SERPINI2: variants seen among roughly 807,000 people sequenced by gnomAD.
SERPINI2 encodes the protein serpin family I member 2, also known as serpin I2.
SERPINI2 carries 48 observed loss-of-function variants against 47.3 expected under a neutral mutation model. The observed-to-expected ratio is 1.02, with a 90% CI of 0.81 to 1.29. The LOEUF is 1.29. SERPINI2 is among the 50% of genes most tolerant of loss of function. The pLI, the probability that SERPINI2 is intolerant of heterozygous loss-of-function variation, is 0.00. For missense variants in SERPINI2, 448 were observed against 456.9 expected, an observed-to-expected ratio of 0.98 and a Z score of 0.18; for synonymous variants, 135 against 149.3, an observed-to-expected ratio of 0.90 and a Z score of 0.70.
At position 167,474,061 on chromosome 3, in the gene SERPINI2, A is replaced by T. The variant is rs1242131141; in HGVS notation, c.-69T>A. On this transcript the variant is annotated 5_prime_UTR_variant, in exon 1 of 9. Transcript: ENST00000264677. ...TACAACTAAAATACGCTTGCTGGAAAACTCTTGTACATAAACACCTGAGCG... is the reference window on the plus strand; with the variant it reads ...TACAACTAAAATACGCTTGCTGGAATACTCTTGTACATAAACACCTGAGCG... 4 of 1,040,962 alleles carry T rather than the reference A, an allele frequency of 3.8e-6. No individual in the cohort carries two copies. The African/African-American group carries it at 6.7e-5, about 18-fold the overall frequency. The allele number at this position is 1,040,962 out of a possible 1,614,324, so 64.5% of individuals were successfully genotyped here.
At chr3:167,448,878 T>G (rs974151252) in intron 7 of SERPINI2, among the ~76,000 whole-genome samples, 1 of 152,104 alleles carries the variant, frequency 6.6e-6, no homozygotes, top group African/African-American at 2.4e-5. Flanking sequence ...CAGGTTAAGT[T>G]TGAGAGCCAC....
At chr3:167,467,250 C>T in exon 3 of SERPINI2, 1 of 1,612,114 alleles carries the variant, frequency 6.2e-7, no homozygotes. Flanking sequence ...TCTGAGATGG[C>T]AGAGAAAAAT....
intron 5 of SERPINI2, among the ~76,000 whole-genome samples, chr3:167,457,644 A>G (rs957464803): frequency 6.6e-6 from 1 of 152,260 alleles, no homozygotes; most frequent in African/African-American, 2.4e-5. Flanking sequence ...CTCATTGAAT[A>G]GCTACTATTT....
At chr3:167,476,894 CT>C (rs561304064), upstream of SERPINI2, among the ~76,000 whole-genome samples, 134 of 152,062 alleles carry the variant, frequency 8.8e-4, no homozygotes, top group African/African-American at 2.8e-3. Flanking sequence ...CCGCATTCTA[CT>C]TTTATAACAT....
intron 5 of SERPINI2, among the ~76,000 whole-genome samples, chr3:167,455,934 C>T (rs1292928493): frequency 6.6e-6 from 1 of 152,048 alleles, no homozygotes; most frequent in Non-Finnish European, 1.5e-5. Flanking sequence ...TCCACCAGGC[C>T]CCATCTCCAA....
At chr3:167,473,496 A>T (rs189551669) in intron 1 of SERPINI2, among the ~76,000 whole-genome samples, 25 of 151,772 alleles carry the variant, frequency 1.6e-4, no homozygotes, top group Non-Finnish European at 3.5e-4. Context: ...TCAACTGGAA[A>T]TACATTAGAT....
rs550007444 is a variant in SERPINI2 at position 167,459,783 on chromosome 3, C to A, written c.866+5423G>T. 2.6e-5 allele frequency among the ~76,000 whole-genome samples: 4 copies of A among 151,134 alleles called. No individual in the cohort carries two copies. The South Asian group carries it at 6.3e-4, about 24-fold the overall frequency. ...GGTGTTATGGGTTGAATTGTGCATA[C>A]CCCCTTTCCCAAATTCATGTGTTGA... On this transcript the variant is annotated intron_variant, in intron 5 of 8. Transcript: ENST00000264677.
At chr3:167,464,437 A>C (rs1361648583) in intron 5 of SERPINI2, among the ~76,000 whole-genome samples, 1 of 152,152 alleles carries the variant, frequency 6.6e-6, no homozygotes, top group East Asian at 1.9e-4. Flanking sequence ...TAATGACTAG[A>C]TCCTGGCTGA....
At chr3:167,465,385 T>C in exon 5 of SERPINI2, 1 of 1,602,476 alleles carries the variant, frequency 6.2e-7, no homozygotes, top group Non-Finnish European at 8.5e-7. Flanking sequence ...TCAGGGAAGA[T>C]TCAGAAAAAT....
At chr3:167,445,905 C>G (rs1041108460) in intron 8 of SERPINI2, among the ~76,000 whole-genome samples, 2 of 152,156 alleles carry the variant, frequency 1.3e-5, no homozygotes, top group Non-Finnish European at 2.9e-5. Flanking sequence ...TTTGAAATTA[C>G]CTTTGACTCC....
At chr3:167,451,835 T>C (rs1440066636) in intron 6 of SERPINI2, among the ~76,000 whole-genome samples, 2 of 152,128 alleles carry the variant, frequency 1.3e-5, no homozygotes, top group East Asian at 3.9e-4. Flanking sequence ...GTTTGGATTA[T>C]TGAAGGTTGA....
exon 5 of SERPINI2, chr3:167,465,320 A>G: frequency 6.2e-7 from 1 of 1,613,138 alleles, no homozygotes; most frequent in Non-Finnish European, 8.5e-7. Flanking sequence ...TGCAGGAAGT[A>G]TGATAATTAA....
chr3:167,453,336 T>A (rs1476490120), intron 5 of SERPINI2, among the ~76,000 whole-genome samples: 2 of 152,160 alleles, frequency 1.3e-5, no homozygotes, highest in African/African-American at 4.8e-5. Context: ...AAGGTCTCAA[T>A]TGCTTGGCTT....
chr3:167,466,195 G>C (rs1176344380), intron 3 of SERPINI2, among the ~76,000 whole-genome samples: 1 of 152,110 alleles, frequency 6.6e-6, no homozygotes, highest in Non-Finnish European at 1.5e-5. Flanking sequence ...GTTTTTCCAA[G>C]TTATGAGAAA....
chr3:167,469,284 C>T lies in SERPINI2; in HGVS notation c.248-1999G>A, dbSNP rs940929968. ...CTCTTGATTTGATTGTACCAGACCT[C>T]CAGAAAATGTTCTAAAATTCAGTGC... On this transcript the variant is annotated intron_variant, in intron 2 of 8. Coordinates refer to ENST00000264677, the Ensembl canonical transcript of SERPINI2. 14 of 152,124 alleles carry T rather than the reference C, an allele frequency of 9.2e-5. 1 individual carries two copies. The highest frequency in any genetic ancestry group is 2.2e-4 in the African/African-American group (9 of 41,434). The allele number at this position is 152,124 out of a possible 1,614,324, so 9.4% of individuals were successfully genotyped here. A position where few individuals can be genotyped will look rare whatever the true frequency, so the allele number is the denominator to read the frequency against.
chr3:167,461,734 C>A (rs1749986615), intron 5 of SERPINI2, among the ~76,000 whole-genome samples: 1 of 152,068 alleles, frequency 6.6e-6, no homozygotes, highest in Non-Finnish European at 1.5e-5. Flanking sequence ...CCTTATCCTC[C>A]ACGGTAGCTG....
chr3:167,451,959 A>C (rs1329438910), intron 6 of SERPINI2, among the ~76,000 whole-genome samples: 1 of 152,198 alleles, frequency 6.6e-6, no homozygotes, highest in Non-Finnish European at 1.5e-5. Context: ...TCTATCTGTC[A>C]GTGTGAGAAC....
exon 9 of SERPINI2, chr3:167,441,991 G>T: frequency 1.5e-6 from 1 of 669,784 alleles, no homozygotes; most frequent in South Asian, 2.7e-5. Context: ...TATTACTACA[G>T]GCACAGTTTA....
chr3:167,474,145 C>G, upstream of SERPINI2: 1 of 990,390 alleles, frequency 1.0e-6, no homozygotes, highest in Non-Finnish European at 1.2e-6. Context: ...AGAACAAAAG[C>G]AGGTGTTCAC....
Sources: gnomAD v4.1 joint callset for allele counts (sites outside exome capture counted in the v4.1 genomes callset) on GRCh38, gnomAD v4.1.1 for gene constraint, MANE v1.5 for transcripts, NCBI Gene and HGNC (gene_info 2026-07-23, HGNC 2026-07-21) for gene names.